MLNR: variants seen among roughly 807,000 people sequenced by gnomAD.
MLNR encodes the protein motilin receptor.
MLNR carries 16 observed loss-of-function variants against 20.0 expected under a neutral mutation model. The ratio of observed to expected loss-of-function variants is 0.80; its 90% CI spans 0.54 to 1.22. MLNR has a LOEUF of 1.22. Among genes scored for constraint, MLNR ranks in the 50% most tolerant of loss-of-function variants. The pLI is 0.00. For synonymous variants in MLNR, 302 were observed against 287.2 expected, an observed-to-expected ratio of 1.05 and a Z score of -0.52; for missense variants, 630 against 592.3, an observed-to-expected ratio of 1.06 and a Z score of -0.66.
chr13:49,221,136 T>C lies in MLNR; in HGVS notation c.799T>C (p.Tyr267His), dbSNP rs184614513. The C allele has an allele frequency of 6.2e-5, 98 of 1,593,108 alleles. No homozygotes were observed. In the East Asian group the frequency reaches 2.0e-3, roughly 32 times the overall value. ...GCCCTTTCTGTGCCTCAGCATCCTC[T>C]ACGGGCTCATCGGGCGGGAGCTGTG... is the stretch of plus-strand genomic sequence containing the variant. ...FLPFLCLSIL[Y>H]GLIGRELWSS... Residue 267 changes from tyrosine to histidine, a missense_variant, in exon 1 of 2, where the codon TAC (tyrosine) becomes CAC (histidine). Coordinates refer to ENST00000218721, the MANE Select transcript of MLNR (RefSeq NM_001507.1).
Position 49,220,533 on chromosome 13 carries a change from TACCGGGACATGCGG to T in MLNR, c.200_213del (p.Arg67HisfsTer266), listed in dbSNP as rs765834910. On this transcript the variant is annotated frameshift_variant, in exon 1 of 2. Transcript: ENST00000218721. LOFTEE classifies it high-confidence loss of function. The surrounding 1 kb of genome is among the most constrained non-coding windows in gnomAD (Gnocchi z 4.4). ...GGTGACCGTGATGCTGATCGGGCGCTACCGGGACATGCGGACCACCACCAACTTGTACCTGGGCA... is the reference window on the plus strand; with the variant it reads ...GGTGACCGTGATGCTGATCGGGCGCTACCACCACCAACTTGTACCTGGGCA... 5.1e-5 allele frequency: 82 copies of T among 1,611,288 alleles called. No individual in the cohort carries two copies. The highest frequency in any genetic ancestry group is 6.3e-5 in the Non-Finnish European group (74 of 1,178,934).
rs968685761 is a variant in MLNR, at chr13:49,220,823, C to T, written c.486C>T (p.Leu162=). The change falls in exon 1 of 2, where the codon CTC becomes CTT. Residue 162 remains leucine, a synonymous_variant. Transcript: ENST00000218721. The surrounding 1 kb of genome is among the most constrained non-coding windows in gnomAD (Gnocchi z 4.4). ...RRRVRALIAV[L]WAVALLSAGP... ...GCGTCCGCGCGCTCATCGCTGTGCTCTGGGCCGTGGCGCTGCTCTCTGCCG... is the reference window on the plus strand; with the variant it reads ...GCGTCCGCGCGCTCATCGCTGTGCTTTGGGCCGTGGCGCTGCTCTCTGCCG... The T allele has an allele frequency of 1.3e-6, 2 of 1,570,686 alleles. No homozygotes were observed. Among genetic ancestry groups the T allele is most frequent in the African/African-American group, 1.4e-5 (1 of 73,210 alleles).
chr13:49,220,383 G>C lies in MLNR; in HGVS notation c.46G>C (p.Glu16Gln). 1.4e-6 allele frequency: 2 copies of C among 1,465,190 alleles called. No homozygotes were observed. The highest frequency in any genetic ancestry group is 5.4e-5 in the East Asian group (2 of 36,758). 90.8% of individuals were successfully genotyped at this position (1,465,190 alleles called of 1,614,324 possible). A position where few individuals can be genotyped will look rare whatever the true frequency, so the allele number is the denominator to read the frequency against. Residue 16 changes from glutamate to glutamine, a missense_variant, in exon 1 of 2, where the codon GAG (glutamate) becomes CAG (glutamine). Glu to Gln is a conservative substitution (Grantham distance 29, BLOSUM62 2). Transcript: ENST00000218721. This position sits in a 1 kb window ranked among gnomAD's most constrained non-coding sequence, Gnocchi z 4.4. ...CAGCGACGGCCCCGAGGGGGCGCGG[G>C]AGCCGCCGTGGCCCGCGCTGCCGCC... The part of the protein sequence containing the change: ...NGSDGPEGAR[E>Q]PPWPALPPCD...
intron 1 of MLNR, 27 bp from the exon 2 acceptor site, chr13:49,222,013 A>T (rs1887018899): frequency 6.3e-7 from 1 of 1,590,532 alleles, no homozygotes; most frequent in South Asian, 1.1e-5. Context: ...GCTTTTGTTA[A>T]TCCCGGTGCT....
At chr13:49,221,577 G>T (rs1328550903) in intron 1 of MLNR, among the ~76,000 whole-genome samples, 1 of 152,242 alleles carries the variant, frequency 6.6e-6, no homozygotes, top group East Asian at 1.9e-4. Context: ...CAGATGAGGA[G>T]TCCTCACAGT....
Position 49,220,542 on chromosome 13 carries a change from A to T in MLNR, c.205A>T (p.Met69Leu). 6.2e-7 allele frequency: 1 copy of T among 1,612,426 alleles called. No homozygotes were observed. The highest frequency in any genetic ancestry group is 8.5e-7 in the Non-Finnish European group (1 of 1,179,244). Residue 69 changes from methionine (M) to leucine (L), a missense_variant, in exon 1 of 2, where the codon ATG becomes TTG. Physicochemically the swap from Met to Leu is conservative, Grantham distance 15. Transcript: ENST00000218721. The surrounding 1 kb of genome is among the most constrained non-coding windows in gnomAD (Gnocchi z 4.4). ...TVMLIGRYRD[M>L]RTTTNLYLGS... Reference sequence around the variant, plus strand: ...GATGCTGATCGGGCGCTACCGGGACATGCGGACCACCACCAACTTGTACCT... The same window carrying T: ...GATGCTGATCGGGCGCTACCGGGACTTGCGGACCACCACCAACTTGTACCT...
intron 1 of MLNR, 185 bp downstream of exon 1, chr13:49,221,423 TC>T (rs1566339890): frequency 3.1e-6 from 2 of 651,080 alleles, no homozygotes; most frequent in African/African-American, 1.9e-5. Context: ...CCATGTCCTG[TC>T]CCCCAGGAGC....
At chr13:49,221,958 G>T in intron 1 of MLNR, 82 bp from the exon 2 acceptor site, 1 of 1,246,470 alleles carries the variant, frequency 8.0e-7, no homozygotes, top group Non-Finnish European at 1.1e-6. Flanking sequence ...ACTTGTTATT[G>T]CAGATGGTTC....
rs1319136838 is a variant in MLNR, at chr13:49,221,238, CG to C, written c.901+1del. The C allele has an allele frequency of 6.4e-7, 1 of 1,568,214 alleles. No individual in the cohort carries two copies. Among genetic ancestry groups the C allele is most frequent in the Non-Finnish European group, 8.6e-7 (1 of 1,165,320 alleles). Reference sequence around the variant, plus strand: ...CCACCGGCAGACCGTCCGCGTCCTGCGTAAGTGGAGCCGCCGTGGTTCCAAA... The same window carrying C: ...CCACCGGCAGACCGTCCGCGTCCTGCTAAGTGGAGCCGCCGTGGTTCCAAA... On this transcript the variant is annotated splice_donor_variant, in intron 1 of 1. Coordinates refer to ENST00000218721, the MANE Select transcript of MLNR (RefSeq NM_001507.1). LOFTEE classifies it high-confidence loss of function.
In MLNR at chr13:49,221,217, C is replaced by T. The variant is rs570865470; in HGVS notation, c.880C>T (p.Arg294Trp). The T allele has an allele frequency of 2.5e-6, 4 of 1,584,804 alleles. 1 individual carries two copies. Among genetic ancestry groups the T allele is most frequent in the East Asian group, 2.3e-5 (1 of 43,842 alleles). ...CGCCTCGGGGCGGGAGAGAGGCCACCGGCAGACCGTCCGCGTCCTGCGTAA... is the reference window on the plus strand; with the variant it reads ...CGCCTCGGGGCGGGAGAGAGGCCACTGGCAGACCGTCCGCGTCCTGCGTAA... ...PAASGRERGH[R>W]QTVRVLLVVV... The change falls in exon 1 of 2, where the codon CGG (arginine) becomes TGG (tryptophan). Residue 294 changes from arginine (R) to tryptophan (W), a missense_variant. Arg to Trp is a moderately radical substitution (Grantham distance 101). Coordinates refer to ENST00000218721, the MANE Select transcript of MLNR (RefSeq NM_001507.1).
rs1462653858 is a variant in MLNR at position 49,222,191 on chromosome 13, C to T, written c.1053C>T (p.Asn351=). Residue 351 remains asparagine, a synonymous_variant, in exon 2 of 2, where the codon AAC becomes AAT. Transcript: ENST00000218721. The stretch of plus-strand genomic sequence containing the variant: ...TTTTCTATCTGAGCGCATCTATCAA[C>T]CCAATCCTCTACAACCTCATTTCAA... ...LQLFYLSASI[N]PILYNLISKK... The T allele has an allele frequency of 2.5e-6, 4 of 1,614,144 alleles. No homozygotes were observed. Among genetic ancestry groups the T allele is most frequent in the South Asian group, 2.2e-5 (2 of 91,074 alleles).
In MLNR at chr13:49,220,558, A is replaced by T. The variant is rs1258827632; in HGVS notation, c.221A>T (p.Asn74Ile). 7 of 1,612,990 alleles carry T rather than the reference A, an allele frequency of 4.3e-6. No individual in the cohort carries two copies. Among genetic ancestry groups the T allele is most frequent in the Non-Finnish European group, 5.9e-6 (7 of 1,179,634 alleles). Residue 74 changes from asparagine (N) to isoleucine (I), a missense_variant, in exon 1 of 2, where the codon AAC becomes ATC. Coordinates refer to ENST00000218721, the MANE Select transcript of MLNR (RefSeq NM_001507.1). This position sits in a 1 kb window ranked among gnomAD's most constrained non-coding sequence, Gnocchi z 4.4. ...TACCGGGACATGCGGACCACCACCA[A>T]CTTGTACCTGGGCAGCATGGCCGTG... ...GRYRDMRTTTNLYLGSMAVSD... is the reference protein window; with the variant it reads ...GRYRDMRTTTILYLGSMAVSD...
In MLNR at chr13:49,222,190, A is replaced by C; in HGVS notation, c.1052A>C (p.Asn351Thr). 1 of 1,614,116 alleles carries C rather than the reference A, an allele frequency of 6.2e-7. No individual in the cohort carries two copies. Among genetic ancestry groups the C allele is most frequent in the Non-Finnish European group, 8.5e-7 (1 of 1,180,024 alleles). The change falls in exon 2 of 2, where the codon AAC (asparagine) becomes ACC (threonine). Residue 351 changes from asparagine (N) to threonine (T), a missense_variant. By Grantham distance (65) the Asn-to-Thr change is moderately conservative. Transcript: ENST00000218721. ...CTTTTCTATCTGAGCGCATCTATCA[A>C]CCCAATCCTCTACAACCTCATTTCA... ...LQLFYLSASI[N>T]PILYNLISKK...
Position 49,220,496 on chromosome 13 carries a change from G to C in MLNR, c.159G>C (p.Val53=). 1 of 1,597,302 alleles carries C rather than the reference G, an allele frequency of 6.3e-7. No homozygotes were observed. Among genetic ancestry groups the C allele is most frequent in the South Asian group, 1.1e-5 (1 of 88,704 alleles). ...GCCTGTGCCTGTTCGTCGTCGGGGTGAGCGGCAACGTGGTGACCGTGATGC... is the reference window on the plus strand; with the variant it reads ...GCCTGTGCCTGTTCGTCGTCGGGGTCAGCGGCAACGTGGTGACCGTGATGC... ...AVCLCLFVVG[V]SGNVVTVMLI... The change falls in exon 1 of 2, where the codon GTG becomes GTC. Residue 53 remains valine (V), a synonymous_variant. Coordinates refer to ENST00000218721, the MANE Select transcript of MLNR (RefSeq NM_001507.1). The surrounding 1 kb of genome is among the most constrained non-coding windows in gnomAD (Gnocchi z 4.4).
Position 49,222,230 on chromosome 13 carries a change from G to C in MLNR, c.1092G>C (p.Ala364=). 1 of 1,614,014 alleles carries C rather than the reference G, an allele frequency of 6.2e-7. No individual in the cohort carries two copies. Among genetic ancestry groups the C allele is most frequent in the Non-Finnish European group, 8.5e-7 (1 of 1,180,026 alleles). The stretch of plus-strand genomic sequence containing the variant: ...ACCTCATTTCAAAGAAGTACAGAGC[G>C]GCGGCCTTTAAACTGCTGCTCGCAA... ...LYNLISKKYR[A]AAFKLLLARK... The change falls in exon 2 of 2, where the codon GCG becomes GCC. Residue 364 remains alanine, a synonymous_variant. Coordinates refer to ENST00000218721, the MANE Select transcript of MLNR (RefSeq NM_001507.1).
At chr13:49,221,537 A>G (rs1176412512) in intron 1 of MLNR, 1 of 495,410 alleles carries the variant, frequency 2.0e-6, no homozygotes, top group Non-Finnish European at 3.6e-6. Flanking sequence ...AGAGTTGGTA[A>G]TTCTTAATCC....
Position 49,220,643 on chromosome 13 carries a change from G to A in MLNR, c.306G>A (p.Arg102=), listed in dbSNP as rs150600287. ...PFDLYRLWRS[R]PWVFGPLLCR... Reference sequence around the variant, plus strand: ...ACCTGTACCGCCTCTGGCGCTCGCGGCCCTGGGTGTTCGGGCCGCTGCTCT... The same window carrying A: ...ACCTGTACCGCCTCTGGCGCTCGCGACCCTGGGTGTTCGGGCCGCTGCTCT... The change falls in exon 1 of 2, where the codon CGG becomes CGA. Residue 102 remains arginine (R), a synonymous_variant. Transcript: ENST00000218721. The surrounding 1 kb of genome is among the most constrained non-coding windows in gnomAD (Gnocchi z 4.4). The A allele has an allele frequency of 6.0e-4, 971 of 1,610,580 alleles. 1 individual carries two copies. Among genetic ancestry groups the A allele is most frequent in the Non-Finnish European group, 6.6e-4 (774 of 1,178,886 alleles).
chr13:49,221,954 T>C (rs1342024256), intron 1 of MLNR, 86 bp from the exon 2 acceptor site: 2 of 1,217,010 alleles, frequency 1.6e-6, no homozygotes, highest in African/African-American at 3.0e-5. Context: ...TGTTACTTGT[T>C]ATTGCAGATG....
chr13:49,220,816 C>A lies in MLNR; in HGVS notation c.479C>A (p.Ala160Asp). ...VTRRRVRALI[A>D]VLWAVALLSA... is the part of the protein sequence containing the mutation. ...CGGCGCCGCGTCCGCGCGCTCATCG[C>A]TGTGCTCTGGGCCGTGGCGCTGCTC... The change falls in exon 1 of 2, where the codon GCT becomes GAT. Residue 160 changes from alanine to aspartate, a missense_variant. By Grantham distance (126) the Ala-to-Asp change is moderately radical. Coordinates refer to ENST00000218721, the MANE Select transcript of MLNR (RefSeq NM_001507.1). The surrounding 1 kb of genome is among the most constrained non-coding windows in gnomAD (Gnocchi z 4.4). 6.4e-7 allele frequency: 1 copy of A among 1,572,710 alleles called. No homozygotes were observed. The highest frequency in any genetic ancestry group is 8.6e-7 in the Non-Finnish European group (1 of 1,160,446).
Sources: allele counts gnomAD v4.1 joint callset (sites outside exome capture counted in the v4.1 genomes callset), GRCh38; gene constraint gnomAD v4.1.1; non-coding constraint Gnocchi (gnomAD v3.1); transcripts MANE v1.5; gene names NCBI Gene and HGNC (gene_info 2026-07-23, HGNC 2026-07-21).